ATP10B: variants seen among roughly 807,000 people sequenced by gnomAD.
ATP10B encodes phospholipid-transporting ATPase VB.
In ATP10B, 122 loss-of-function variants were observed where a neutral mutation model predicts 141.2. That is an observed-to-expected ratio of 0.86 (90% CI 0.75 to 1.00). The LOEUF (loss-of-function observed/expected upper bound fraction) is 1.00. ATP10B is among the 50% of genes least tolerant of loss of function. The pLI is 0.00. For synonymous variants in ATP10B, 685 were observed against 692.0 expected, an observed-to-expected ratio of 0.99 and a Z score of 0.16; for missense variants, 1,876 against 1,825.3, an observed-to-expected ratio of 1.03 and a Z score of -0.51.
chr5:160,685,459 A>G lies in ATP10B; in HGVS notation c.470+620T>C, dbSNP rs185765289. ...CTGTTGGAATGTAGACGTCACCTAC[A>G]GGTGTCTTCCTTTTCCACCCTGGGC... On this transcript the variant is annotated intron_variant, in intron 6 of 25. Transcript: ENST00000327245. 2.5e-3 allele frequency: 912 copies of G among 360,864 alleles called. 1 individual carries two copies. Among genetic ancestry groups the G allele is most frequent in the Non-Finnish European group, 3.4e-3 (691 of 203,624 alleles). The allele number at this position is 360,864 out of a possible 1,614,324, so 22.4% of individuals were successfully genotyped here.
At chr5:160,883,841 A>T in the ATP10B span, among the ~76,000 whole-genome samples, 1 of 151,688 alleles carries the variant, frequency 6.6e-6, no homozygotes, top group Non-Finnish European at 1.5e-5. Context: ...TTGAGTCATT[A>T]TGGCTGCTTT....
At chr5:160,756,339 T>A (rs1768602269) in intron 2 of ATP10B, among the ~76,000 whole-genome samples, 1 of 152,214 alleles carries the variant, frequency 6.6e-6, no homozygotes, top group Non-Finnish European at 1.5e-5. Context: ...TGAACGTTTG[T>A]CTATAGGTCT....
the ATP10B span, among the ~76,000 whole-genome samples, chr5:160,897,423 G>T: frequency 6.3e-3 from 959 of 152,264 alleles, 6 homozygotes; most frequent in Non-Finnish European, 9.7e-3. Context: ...GCCAAATCAT[G>T]AGTGAACTCC....
the ATP10B span, among the ~76,000 whole-genome samples, chr5:160,888,368 G>C: frequency 2.6e-5 from 4 of 152,188 alleles, no homozygotes; most frequent in South Asian, 2.1e-4. Flanking sequence ...CAGACCTGAG[G>C]CTTCTCTGCT....
At chr5:160,640,376 C>T in intron 10 of ATP10B, 85 bp downstream of exon 10, 2 of 1,489,080 alleles carry the variant, frequency 1.3e-6, no homozygotes, top group Non-Finnish European at 1.8e-6. Context: ...ATTTTATTAG[C>T]CCTACTTTAT....
intron 2 of ATP10B, among the ~76,000 whole-genome samples, chr5:160,755,839 ATATATATATATATATATAT>A (rs1157724418): frequency 9.6e-5 from 3 of 31,284 alleles, no homozygotes; most frequent in African/African-American, 2.5e-4. Context: ...AAAAAAAAAA[ATATATATATATATATATAT>A]ATATATATAT....
chr5:160,640,607 G>T lies in ATP10B; in HGVS notation c.869-15C>A. ...CGTCTCATGGCCTTTGAGAGAAAATGAGGAAATCAGTCCCTTAGTTCCTGT... is the reference window on the plus strand; with the variant it reads ...CGTCTCATGGCCTTTGAGAGAAAATTAGGAAATCAGTCCCTTAGTTCCTGT... On this transcript the variant is annotated splice_polypyrimidine_tract_variant and intron_variant, in intron 9 of 25. Transcript: ENST00000327245. 1 of 1,613,708 alleles carries T rather than the reference G, an allele frequency of 6.2e-7. No individual in the cohort carries two copies. The highest frequency in any genetic ancestry group is 2.2e-5 in the East Asian group (1 of 44,878).
chr5:160,757,682 G>A (rs571927858), intron 2 of ATP10B, among the ~76,000 whole-genome samples: 151 of 152,270 alleles, frequency 9.9e-4, no homozygotes, highest in African/African-American at 3.6e-3. Flanking sequence ...GAGAGTCAGT[G>A]TGGTATGGAT....
intron 1 of ATP10B, among the ~76,000 whole-genome samples, chr5:160,823,636 C>T (rs1774343923): frequency 6.6e-6 from 1 of 152,128 alleles, no homozygotes; most frequent in African/African-American, 2.4e-5. Context: ...GTGGGCAGAT[C>T]ATGAGGTCAG....
At chr5:160,855,826 A>G (rs1753981818), upstream of ATP10B, among the ~76,000 whole-genome samples, 1 of 151,828 alleles carries the variant, frequency 6.6e-6, no homozygotes. Flanking sequence ...CAATTGTACT[A>G]GAACCACTTG....
intron 2 of ATP10B, among the ~76,000 whole-genome samples, chr5:160,783,584 CACACACACACACAT>C (rs1423773869): frequency 2.7e-4 from 36 of 132,568 alleles, no homozygotes; most frequent in East Asian, 1.5e-3. Context: ...CACACACACA[CACACACACACACAT>C]ACACACACAC....
At chr5:160,922,131 C>T in the ATP10B span, among the ~76,000 whole-genome samples, 1 of 152,120 alleles carries the variant, frequency 6.6e-6, no homozygotes, top group East Asian at 1.9e-4. Context: ...GCATCTGACT[C>T]ATATGAAAGT....
chr5:160,578,961 G>A (rs1227680963), intron 24 of ATP10B, among the ~76,000 whole-genome samples: 1 of 152,126 alleles, frequency 6.6e-6, no homozygotes, highest in African/African-American at 2.4e-5. Context: ...TCATATGTTT[G>A]TTGGCCACAT....
chr5:160,866,695 C>T, the ATP10B span, among the ~76,000 whole-genome samples: 1 of 151,766 alleles, frequency 6.6e-6, no homozygotes, highest in Non-Finnish European at 1.5e-5. Flanking sequence ...CAAAACAAAA[C>T]CAAAACAAAA....
chr5:160,716,353 A>G (rs1435003513), intron 3 of ATP10B, among the ~76,000 whole-genome samples: 1 of 152,214 alleles, frequency 6.6e-6, no homozygotes, highest in Non-Finnish European at 1.5e-5. Context: ...TAATTCATAT[A>G]ACTCTCATAA....
chr5:160,900,810 G>C, the ATP10B span, among the ~76,000 whole-genome samples: 1 of 144,288 alleles, frequency 6.9e-6, no homozygotes, highest in African/African-American at 2.5e-5. Context: ...TTTATTTGTG[G>C]TTTAAAAATA....
At chr5:160,894,616 T>C in the ATP10B span, among the ~76,000 whole-genome samples, 2 of 152,146 alleles carry the variant, frequency 1.3e-5, no homozygotes, top group Non-Finnish European at 2.9e-5. Context: ...TGGAACCACG[T>C]TGGAAAACAC....
chr5:160,696,905 G>T (rs375779895), intron 3 of ATP10B, among the ~76,000 whole-genome samples: 103 of 152,126 alleles, frequency 6.8e-4, no homozygotes, highest in African/African-American at 2.4e-3. Context: ...GATTGGATTT[G>T]CTTGAGGAAT....
chr5:160,917,301 A>C, the ATP10B span, among the ~76,000 whole-genome samples: 1 of 129,034 alleles, frequency 7.7e-6, no homozygotes, highest in Non-Finnish European at 1.6e-5. Flanking sequence ...GCATTATCTC[A>C]TTACTGTAAC....
Sources: allele counts gnomAD v4.1 joint callset (sites outside exome capture counted in the v4.1 genomes callset), GRCh38; gene constraint gnomAD v4.1.1; transcripts MANE v1.5; gene names NCBI Gene and HGNC (gene_info 2026-07-23, HGNC 2026-07-21).